Variants in GPRC6A observed in about 807,000 individuals in gnomAD.
The protein encoded by GPRC6A is G protein-coupled receptor class C group 6 member A, also known as G protein-coupled receptor family C group 6 member A.
Under a neutral mutation model 47.0 loss-of-function variants are expected in GPRC6A, and 54 were observed. That is an observed-to-expected ratio of 1.15 (90% CI 0.92 to 1.44). The LOEUF (loss-of-function observed/expected upper bound fraction) is 1.44. GPRC6A is among the 40% of genes most tolerant of loss of function. The pLI, the probability that GPRC6A is intolerant of heterozygous loss-of-function variation, is 0.00. For missense variants in GPRC6A, 1,112 were observed against 1,105.5 expected (o/e 1.01, Z -0.08); for synonymous variants, 347 against 377.1 (o/e 0.92, Z 0.93).
At chr6:116,825,184 G>A (rs1473524195) in intron 1 of GPRC6A, among the ~76,000 whole-genome samples, 1 of 152,042 alleles carries the variant, frequency 6.6e-6, no homozygotes. Flanking sequence ...GCAAGACAAG[G>A]ATGCCCACTT....
At chr6:116,797,638 A>G (rs541125185) in intron 4 of GPRC6A, among the ~76,000 whole-genome samples, 116 of 152,338 alleles carry the variant, frequency 7.6e-4, no homozygotes, top group African/African-American at 2.4e-3. Context: ...ATTACCTGTC[A>G]TTCTGTCACC....
chr6:116,798,014 G>T (rs898049872), intron 4 of GPRC6A, among the ~76,000 whole-genome samples: 4 of 152,166 alleles, frequency 2.6e-5, no homozygotes, highest in Non-Finnish European at 5.9e-5. Flanking sequence ...CCAAATATTT[G>T]TTGAGTGCCT....
At chr6:116,806,349 C>G in intron 3 of GPRC6A, 21 bp downstream of exon 3, 1 of 1,475,532 alleles carries the variant, frequency 6.8e-7, no homozygotes, top group Non-Finnish European at 9.3e-7. Flanking sequence ...AAGAGTTTTT[C>G]TTGGATGTGT....
chr6:116,813,595 AC>A (rs1773101721), intron 1 of GPRC6A, among the ~76,000 whole-genome samples: 2 of 152,196 alleles, frequency 1.3e-5, no homozygotes, highest in African/African-American at 4.8e-5. Context: ...TACACCTTAT[AC>A]AAAAGTTAAT....
At chr6:116,827,792 A>G (rs930203694) in intron 1 of GPRC6A, among the ~76,000 whole-genome samples, 11 of 151,842 alleles carry the variant, frequency 7.2e-5, no homozygotes, top group Admixed American at 3.9e-4. Flanking sequence ...AATGATTATG[A>G]TGACAATAGC....
At chr6:116,803,581 A>C (rs1355012643) in intron 3 of GPRC6A, among the ~76,000 whole-genome samples, 1 of 152,072 alleles carries the variant, frequency 6.6e-6, no homozygotes, top group Non-Finnish European at 1.5e-5. Flanking sequence ...CTGCACATCA[A>C]AGTTTGAGAT....
chr6:116,816,662 G>A (rs1475552201), intron 1 of GPRC6A, among the ~76,000 whole-genome samples: 2 of 152,230 alleles, frequency 1.3e-5, no homozygotes, highest in Non-Finnish European at 2.9e-5. Context: ...GACAGTGGGC[G>A]CAGGTCAGTG....
rs559648893 is a variant in GPRC6A, at chr6:116,792,088, T to C, written c.*54A>G. ...TGGGAAAGTAAATTTATATCTTAGA[T>C]GCAAAGACCCTGGAAACATTTTATT... On this transcript the variant is annotated 3_prime_UTR_variant, in exon 6 of 6. Coordinates refer to ENST00000310357, the MANE Select transcript of GPRC6A (RefSeq NM_148963.4). 7.6e-6 allele frequency: 11 copies of C among 1,447,732 alleles called. No homozygotes were observed. The African/African-American group carries it at 9.9e-5, about 13-fold the overall frequency. The allele number at this position is 1,447,732 out of a possible 1,614,324, so 89.7% of individuals were successfully genotyped here.
At chr6:116,817,943 T>G (rs868752725) in intron 1 of GPRC6A, among the ~76,000 whole-genome samples, 1 of 151,948 alleles carries the variant, frequency 6.6e-6, no homozygotes, top group African/African-American at 2.4e-5. Context: ...TGGAACCAAG[T>G]TGGAAAACAC....
intron 2 of GPRC6A, among the ~76,000 whole-genome samples, chr6:116,807,473 C>T (rs1039209945): frequency 1.3e-5 from 2 of 152,082 alleles, no homozygotes; most frequent in African/African-American, 4.8e-5. Context: ...CTATATTTAT[C>T]TTATATCTTT....
intron 2 of GPRC6A, among the ~76,000 whole-genome samples, chr6:116,808,086 C>T (rs1249893200): frequency 6.6e-6 from 1 of 151,830 alleles, no homozygotes; most frequent in Non-Finnish European, 1.5e-5. Flanking sequence ...AGAATCCCAA[C>T]TCCAATAAAT....
intron 1 of GPRC6A, among the ~76,000 whole-genome samples, chr6:116,812,843 G>C (rs917614754): frequency 1.3e-5 from 2 of 152,184 alleles, no homozygotes; most frequent in Admixed American, 6.5e-5. Flanking sequence ...TGACATGACT[G>C]TATGTTTAGA....
chr6:116,792,756 G>A lies in GPRC6A; in HGVS notation c.2167C>T (p.Leu723=), dbSNP rs373125688. ...TCTACAGTAGGTGCTGCAAAGATTA[G>A]CCAGAGTGTGCAAATGACAACCTGG... is the stretch of plus-strand genomic sequence containing the variant. ...GIQVVICTLW[L]IFAAPTVEVN... Residue 723 remains leucine (L), a synonymous_variant, in exon 6 of 6, where the codon CTA becomes TTA. Transcript: ENST00000310357. The A allele has an allele frequency of 1.2e-6, 2 of 1,613,876 alleles. No homozygotes were observed. Among genetic ancestry groups the A allele is most frequent in the African/African-American group, 2.7e-5 (2 of 74,896 alleles).
intron 1 of GPRC6A, among the ~76,000 whole-genome samples, chr6:116,814,153 G>A (rs775218127): frequency 9.8e-5 from 15 of 152,316 alleles, no homozygotes; most frequent in Non-Finnish European, 1.6e-4. Flanking sequence ...TATACTGCTG[G>A]TGGGAGTGTA....
rs565934166 is a variant in GPRC6A at position 116,811,989 on chromosome 6, C to T, written c.195-2372G>A. Among the ~76,000 whole-genome samples the T allele has an allele frequency of 2.0e-5, 3 of 152,198 alleles. No homozygotes were observed. In the South Asian group the frequency reaches 6.2e-4, roughly 32 times the overall value. On this transcript the variant is annotated intron_variant, in intron 1 of 5. Transcript: ENST00000310357. ...ATAATAGATAAAAACTTTCCACATC[C>T]AGCAAGAGGTTTAGACATCCAGATA...
intron 1 of GPRC6A, among the ~76,000 whole-genome samples, chr6:116,816,791 A>G (rs1319962194): frequency 2.0e-5 from 3 of 152,176 alleles, no homozygotes; most frequent in Non-Finnish European, 4.4e-5. Context: ...CACCTGGAAA[A>G]TCGGGTCACT....
rs768244969 is a variant in GPRC6A, at chr6:116,792,787, C to T, written c.2136G>A (p.Thr712=). ...GTGTGCAAATGACAACCTGGATGCCCGTGCAAGTGAAGATAATAAGGATCG... is the reference window on the plus strand; with the variant it reads ...GTGTGCAAATGACAACCTGGATGCCTGTGCAAGTGAAGATAATAAGGATCG... ...YRPILIIFTC[T]GIQVVICTLW... is the part of the protein sequence containing the mutation. The change falls in exon 6 of 6, where the codon ACG becomes ACA. Residue 712 remains threonine, a synonymous_variant. Transcript: ENST00000310357. 15 of 1,613,980 alleles carry T rather than the reference C, an allele frequency of 9.3e-6. No individual in the cohort carries two copies. The highest frequency in any genetic ancestry group is 6.7e-5 in the East Asian group (3 of 44,874).
chr6:116,803,399 ATCC>A, intron 3 of GPRC6A, among the ~76,000 whole-genome samples: 1 of 152,210 alleles, frequency 6.6e-6, no homozygotes, highest in Admixed American at 6.5e-5. Flanking sequence ...TAGCTGCCCT[ATCC>A]TCTGTCAAGT....
At chr6:116,802,592 T>C (rs1285316314) in intron 3 of GPRC6A, among the ~76,000 whole-genome samples, 1 of 152,128 alleles carries the variant, frequency 6.6e-6, no homozygotes, top group Non-Finnish European at 1.5e-5. Context: ...GGTATCTTCA[T>C]GGCTAAGTTA....
Sources: allele counts gnomAD v4.1 joint callset (sites outside exome capture counted in the v4.1 genomes callset), GRCh38; gene constraint gnomAD v4.1.1; transcripts MANE v1.5; gene names NCBI Gene and HGNC (gene_info 2026-07-23, HGNC 2026-07-21).